GFPT2: variants seen among roughly 807,000 people sequenced by gnomAD.
GFPT2 encodes the protein glutamine--fructose-6-phosphate aminotransferase [isomerizing] 2.
GFPT2 carries 62 observed loss-of-function variants against 85.6 expected under a neutral mutation model. The observed-to-expected ratio is 0.72, with a 90% CI of 0.59 to 0.90. The LOEUF (loss-of-function observed/expected upper bound fraction) is 0.90. Among genes scored for constraint, GFPT2 ranks in the 40% least tolerant of loss-of-function variants. The pLI is 0.00. For synonymous variants in GFPT2, 368 were observed against 344.5 expected (o/e 1.07, Z -0.75); for missense variants, 788 against 893.4 (o/e 0.88, Z 1.50).
chr5:180,319,357 CAA>C (rs1487161676), intron 9 of GFPT2, among the ~76,000 whole-genome samples: 1 of 152,132 alleles, frequency 6.6e-6, no homozygotes, highest in African/African-American at 2.4e-5. Context: ...AATCAGGATC[CAA>C]ACAATGTCAC....
Position 180,331,377 on chromosome 5 carries a change from TGA to T in GFPT2, c.399+116_399+117del, listed in dbSNP as rs1581382880. On this transcript the variant is annotated intron_variant, in intron 5 of 18. Transcript: ENST00000253778. ...TTTCTTCTCAACACGGTGACGTGGC[TGA>T]GTGTGGGTCTCACTCAGTTCCCACA... is the stretch of plus-strand genomic sequence containing the variant. 7.4e-6 allele frequency: 5 copies of T among 677,464 alleles called. No homozygotes were observed. The East Asian group carries it at 1.3e-4, about 17-fold the overall frequency. 42.0% of individuals were successfully genotyped at this position (677,464 alleles called of 1,614,324 possible). A position where few individuals can be genotyped will look rare whatever the true frequency, so the allele number is the denominator to read the frequency against.
In GFPT2 at chr5:180,314,131, T is replaced by C. The variant is rs114228094; in HGVS notation, c.1274-167A>G. On this transcript the variant is annotated intron_variant, in intron 13 of 18. Coordinates refer to ENST00000253778, the MANE Select transcript of GFPT2 (RefSeq NM_005110.4). ...CTCAACAGCCTTTTCGGTTGATTCT[T>C]ACATTCAAGGTGTGTTACTATTTGT... Among the ~76,000 whole-genome samples the C allele has an allele frequency of 4.9e-3, 748 of 152,302 alleles. 4 individuals are homozygous for C. Among genetic ancestry groups the C allele is most frequent in the Non-Finnish European group, 7.7e-3 (526 of 68,020 alleles).
intron 4 of GFPT2, among the ~76,000 whole-genome samples, chr5:180,335,278 G>A (rs1371396205): frequency 6.6e-6 from 1 of 152,316 alleles, no homozygotes; most frequent in East Asian, 1.9e-4. Context: ...CCTGGGCTTC[G>A]GGCTGCGGCC....
rs1763696885 is a variant in GFPT2 at position 180,302,541 on chromosome 5, G to A, written c.1886C>T (p.Ser629Phe). Residue 629 changes from serine to phenylalanine, a missense_variant, in exon 18 of 19, where the codon TCC becomes TTC. By Grantham distance (155) the Ser-to-Phe change is radical. Transcript: ENST00000253778. ...ILCSKDDTESSKFAYKTIELP... is the reference protein window; with the variant it reads ...ILCSKDDTESFKFAYKTIELP... ...CTCAATTGTCTTATACGCAAACTTG[G>A]AACTTTCAGTATCGTCCTTGGAGCA... 3 of 1,613,878 alleles carry A rather than the reference G, an allele frequency of 1.9e-6. No individual in the cohort carries two copies. Among genetic ancestry groups the A allele is most frequent in the Non-Finnish European group, 2.5e-6 (3 of 1,179,926 alleles).
chr5:180,331,482 G>A lies in GFPT2; in HGVS notation c.399+13C>T. On this transcript the variant is annotated intron_variant, in intron 5 of 18. Coordinates refer to ENST00000253778, the MANE Select transcript of GFPT2 (RefSeq NM_005110.4). ...CCACCGGACTGAGACATCACCTAGG[G>A]GAAGCATCTTACCAGAAATTTCCTC... 1 of 1,501,088 alleles carries A rather than the reference G, an allele frequency of 6.7e-7. No individual in the cohort carries two copies. The highest frequency in any genetic ancestry group is 9.3e-7 in the Non-Finnish European group (1 of 1,076,830). 93.0% of individuals were successfully genotyped at this position (1,501,088 alleles called of 1,614,324 possible).
chr5:180,350,755 C>T (rs1001247277), intron 1 of GFPT2, among the ~76,000 whole-genome samples: 3 of 152,096 alleles, frequency 2.0e-5, no homozygotes, highest in African/African-American at 7.2e-5. Context: ...TCTCAGTGCA[C>T]TGAAAGTTTT....
chr5:180,340,116 C>T (rs532878426), intron 1 of GFPT2, among the ~76,000 whole-genome samples: 66 of 152,058 alleles, frequency 4.3e-4, no homozygotes, highest in Non-Finnish European at 8.1e-4. Context: ...GGTGAGGGCC[C>T]GTTCCTCACA....
chr5:180,313,433 T>C (rs1482870321), intron 14 of GFPT2, among the ~76,000 whole-genome samples: 2 of 145,338 alleles, frequency 1.4e-5, no homozygotes, highest in Non-Finnish European at 3.0e-5. Context: ...CTACTAAAAA[T>C]ACAAAAAATG....
At chr5:180,311,076 G>A (rs758408539) in intron 15 of GFPT2, among the ~76,000 whole-genome samples, 3 of 152,122 alleles carry the variant, frequency 2.0e-5, no homozygotes, top group Non-Finnish European at 4.4e-5. Context: ...AGGCCCCGAG[G>A]GCCTGGAATT....
rs535688313 is a variant in GFPT2, at chr5:180,315,425, A to G, written c.1273+916T>C. ...AATCTCCTGACCTCGTGATCCGCCC[A>G]CCTCAGCCTCCCAAAGTGCTGGGAT... On this transcript the variant is annotated intron_variant, in intron 13 of 18. Coordinates refer to ENST00000253778, the MANE Select transcript of GFPT2 (RefSeq NM_005110.4). Among the ~76,000 whole-genome samples, 529 of 151,984 alleles carry G rather than the reference A, an allele frequency of 3.5e-3. 3 individuals are homozygous for G. The highest frequency in any genetic ancestry group is 0.011 in the African/African-American group (455 of 41,482).
chr5:180,331,103 T>C (rs1478168220), intron 5 of GFPT2, among the ~76,000 whole-genome samples: 1 of 152,210 alleles, frequency 6.6e-6, no homozygotes, highest in Non-Finnish European at 1.5e-5. Context: ...ATAAAATACG[T>C]TGAGTCAAAC....
At position 180,353,307 on chromosome 5, in the gene GFPT2, T is replaced by TGGGCTCCGTGGGCTCCGC. The variant is rs573344385; in HGVS notation, c.-108_-91dup. ...TCCGTGGGCTCCTCCGTGGGCTCCG[T>TGGGCTCCGTGGGCTCCGC]GGGCTCCGTGGGCTCCGCGGGCTCC... On this transcript the variant is annotated 5_prime_UTR_variant, in exon 1 of 19. Coordinates refer to ENST00000253778, the MANE Select transcript of GFPT2 (RefSeq NM_005110.4). 182 of 991,716 alleles carry TGGGCTCCGTGGGCTCCGC rather than the reference T, an allele frequency of 1.8e-4. No individual in the cohort carries two copies. Among genetic ancestry groups the TGGGCTCCGTGGGCTCCGC allele is most frequent in the African/African-American group, 9.4e-4 (53 of 56,636 alleles). 61.4% of individuals were successfully genotyped at this position (991,716 alleles called of 1,614,324 possible).
intron 1 of GFPT2, among the ~76,000 whole-genome samples, chr5:180,342,354 G>C (rs1764532811): frequency 6.6e-6 from 1 of 151,368 alleles, no homozygotes; most frequent in Non-Finnish European, 1.5e-5. Flanking sequence ...GCGATTCAGT[G>C]GTTTAGTATA....
intron 4 of GFPT2, among the ~76,000 whole-genome samples, chr5:180,335,607 T>C (rs1013225779): frequency 2.0e-5 from 3 of 152,236 alleles, no homozygotes; most frequent in African/African-American, 7.2e-5. Context: ...TGTGCACTCC[T>C]GGGAGGCCAG....
At chr5:180,302,669 T>C in intron 17 of GFPT2, 85 bp from the exon 18 acceptor site, 1 of 1,083,916 alleles carries the variant, frequency 9.2e-7, no homozygotes, top group South Asian at 1.5e-5. Context: ...GAAGCTACAT[T>C]ACTGTGATGA....
chr5:180,316,726 C>T (rs1453809387), intron 12 of GFPT2, 38 bp downstream of exon 12: 1 of 1,417,518 alleles, frequency 7.1e-7, no homozygotes, highest in East Asian at 2.3e-5. Flanking sequence ...TGGTCCTAGA[C>T]TGCCGTCGAC....
At chr5:180,342,373 T>C (rs951546309) in intron 1 of GFPT2, among the ~76,000 whole-genome samples, 8 of 151,888 alleles carry the variant, frequency 5.3e-5, no homozygotes, top group African/African-American at 1.9e-4. Flanking sequence ...TATTCAGAGT[T>C]GTGCAATTAT....
At chr5:180,338,622 G>T (rs755432273) in intron 1 of GFPT2, 22 bp from the exon 2 acceptor site, 4 of 1,403,200 alleles carry the variant, frequency 2.9e-6, no homozygotes, top group East Asian at 4.6e-5. Flanking sequence ...GAAAAAAATG[G>T]TGCATTCATA....
At chr5:180,324,605 T>G (rs1342560220) in intron 8 of GFPT2, 3 of 592,176 alleles carry the variant, frequency 5.1e-6, no homozygotes, top group African/African-American at 3.7e-5. Flanking sequence ...TACAAAATCA[T>G]GATAAATTCA....
Sources: allele counts gnomAD v4.1 joint callset (sites outside exome capture counted in the v4.1 genomes callset), GRCh38; gene constraint gnomAD v4.1.1; transcripts MANE v1.5; gene names NCBI Gene and HGNC (gene_info 2026-07-23, HGNC 2026-07-21).